The following PLXNC1 variants were observed in gnomAD, a reference collection of about 807,000 sequenced individuals.
PLXNC1 encodes the protein plexin C1.
A neutral mutation model predicts 178.2 loss-of-function variants in PLXNC1; 75 were observed. The observed-to-expected ratio is 0.42, with a 90% CI of 0.35 to 0.51. The LOEUF is 0.51. Among genes scored for constraint, PLXNC1 ranks in the 20% least tolerant of loss-of-function variants. PLXNC1 has a pLI of 0.02. For synonymous variants in PLXNC1, 790 were observed against 779.9 expected (o/e 1.01, Z -0.22); for missense variants, 1,503 against 1,984.4 (o/e 0.76, Z 4.61).
chr12:94,245,567 G>A (rs1051653867), intron 12 of PLXNC1, among the ~76,000 whole-genome samples: 1 of 152,112 alleles, frequency 6.6e-6, no homozygotes, highest in African/African-American at 2.4e-5. Flanking sequence ...TCAGGTTCTA[G>A]GTCCTCTGGT....
chr12:94,210,097 AT>A (rs5800151), intron 5 of PLXNC1, among the ~76,000 whole-genome samples: 53,296 of 152,136 alleles, frequency 0.35, 11,266 homozygotes, highest in East Asian at 0.57. Context: ...TAATTGCAGA[AT>A]TTTGTTTAGT....
chr12:94,218,524 A>C (rs940325183), intron 5 of PLXNC1, among the ~76,000 whole-genome samples: 1 of 152,150 alleles, frequency 6.6e-6, no homozygotes, highest in African/African-American at 2.4e-5. Context: ...CTTAGCGCTC[A>C]TTCCCATCAG....
intron 9 of PLXNC1, among the ~76,000 whole-genome samples, chr12:94,237,056 CAAG>C (rs1189890430): frequency 6.6e-6 from 1 of 152,144 alleles, no homozygotes; most frequent in Non-Finnish European, 1.5e-5. Flanking sequence ...AACTGGGTAG[CAAG>C]AAGGAGGTTG....
In PLXNC1 at chr12:94,240,528, T is replaced by C. The variant is rs780993862; in HGVS notation, c.2164T>C (p.Ser722Pro). The change falls in exon 11 of 31, where the codon TCT (serine) becomes CCT (proline). Residue 722 changes from serine (S) to proline (P), a missense_variant. Coordinates refer to ENST00000258526, the MANE Select transcript of PLXNC1 (RefSeq NM_005761.3). Reference sequence around the variant, plus strand: ...GCTAAATGACACCCACATGAAATTCTCTCTTCCATCAAGCCGGAAAGAAAT... The same window carrying C: ...GCTAAATGACACCCACATGAAATTCCCTCTTCCATCAAGCCGGAAAGAAAT... ...HVLNDTHMKFSLPSSRKEMKD... is the reference protein window; with the variant it reads ...HVLNDTHMKFPLPSSRKEMKD... The C allele has an allele frequency of 6.2e-7, 1 of 1,614,102 alleles. No individual in the cohort carries two copies. Among genetic ancestry groups the C allele is most frequent in the Non-Finnish European group, 8.5e-7 (1 of 1,179,970 alleles).
Position 94,300,899 on chromosome 12 carries a change from T to C in PLXNC1, c.4239-11T>C. ...CCCTATTTGAAAAGAGATTATTCTC[T>C]CTTTGAACAGCCTTCCTCTTCGCTT... On this transcript the variant is annotated splice_polypyrimidine_tract_variant and intron_variant, in intron 27 of 30. Coordinates refer to ENST00000258526, the MANE Select transcript of PLXNC1 (RefSeq NM_005761.3). 3 of 1,608,502 alleles carry C rather than the reference T, an allele frequency of 1.9e-6. No individual in the cohort carries two copies. The highest frequency in any genetic ancestry group is 2.6e-6 in the Non-Finnish European group (3 of 1,175,862).
intron 5 of PLXNC1, among the ~76,000 whole-genome samples, chr12:94,210,092 G>A (rs1963423085): frequency 1.6e-5 from 2 of 128,818 alleles, no homozygotes; most frequent in African/African-American, 4.9e-5. Flanking sequence ...TGGCTTAATT[G>A]CAGAATTTTG....
chr12:94,202,754 G>T (rs1048414053), intron 4 of PLXNC1, among the ~76,000 whole-genome samples: 5 of 152,200 alleles, frequency 3.3e-5, no homozygotes, highest in African/African-American at 1.2e-4. Flanking sequence ...AGGGATGGGT[G>T]TTTTTAGGAG....
intron 23 of PLXNC1, among the ~76,000 whole-genome samples, chr12:94,290,869 G>GGTCA (rs1178936811): frequency 6.6e-6 from 1 of 152,202 alleles, no homozygotes; most frequent in Non-Finnish European, 1.5e-5. Context: ...GAAGTGACAG[G>GGTCA]GTCAGTCCTC....
chr12:94,260,920 G>A lies in PLXNC1; in HGVS notation c.3450+80G>A. ...TAGCGGACTCTGATGCCTTTGCCAG[G>A]ATAAATCCTGAATGCTCGATGGTGT... On this transcript the variant is annotated intron_variant, in intron 20 of 30. Transcript: ENST00000258526. The surrounding 1 kb of genome is among the most constrained non-coding windows in gnomAD (Gnocchi z 4.4). The A allele has an allele frequency of 8.4e-7, 1 of 1,197,408 alleles. No individual in the cohort carries two copies. The allele number at this position is 1,197,408 out of a possible 1,614,324, so 74.2% of individuals were successfully genotyped here.
intron 23 of PLXNC1, among the ~76,000 whole-genome samples, chr12:94,288,152 T>C (rs1425562408): frequency 6.6e-6 from 1 of 152,258 alleles, no homozygotes; most frequent in Non-Finnish European, 1.5e-5. Context: ...ATCCTGGTAG[T>C]TACATTCTCT....
chr12:94,214,843 A>G (rs1442332400), intron 5 of PLXNC1, among the ~76,000 whole-genome samples: 1 of 152,208 alleles, frequency 6.6e-6, no homozygotes, highest in Non-Finnish European at 1.5e-5. Context: ...TGAACAACTT[A>G]GCTTAAGCCG....
At chr12:94,287,829 G>A (rs1193885964) in intron 23 of PLXNC1, among the ~76,000 whole-genome samples, 1 of 152,316 alleles carries the variant, frequency 6.6e-6, no homozygotes, top group South Asian at 2.1e-4. Flanking sequence ...TAACAAACAC[G>A]TATAATGCTT....
intron 23 of PLXNC1, among the ~76,000 whole-genome samples, chr12:94,286,244 T>C (rs953055367): frequency 2.6e-5 from 4 of 152,282 alleles, no homozygotes; most frequent in Admixed American, 6.5e-5. Flanking sequence ...TAAAGGATTC[T>C]CCTTATGTTT....
intron 11 of PLXNC1, among the ~76,000 whole-genome samples, chr12:94,242,888 C>G (rs941249225): frequency 1.3e-5 from 2 of 152,214 alleles, no homozygotes; most frequent in African/African-American, 4.8e-5. Context: ...TCCCAGACAG[C>G]TGGTACTAGG....
intron 6 of PLXNC1, among the ~76,000 whole-genome samples, chr12:94,223,717 CAGATTTGGTGACAGTTG>C (rs1963857857): frequency 1.3e-5 from 2 of 152,292 alleles, no homozygotes; most frequent in South Asian, 4.1e-4. Context: ...ACCTTTATCA[CAGATTTGGTGACAGTTG>C]ACCCCAAGAA....
At chr12:94,220,875 A>G (rs915162775) in intron 6 of PLXNC1, among the ~76,000 whole-genome samples, 1 of 152,224 alleles carries the variant, frequency 6.6e-6, no homozygotes, top group African/African-American at 2.4e-5. Flanking sequence ...ACCAACCTGC[A>G]TGATGGCCAG....
intron 12 of PLXNC1, among the ~76,000 whole-genome samples, chr12:94,245,652 C>T (rs1433286357): frequency 6.6e-6 from 1 of 152,110 alleles, no homozygotes; most frequent in Non-Finnish European, 1.5e-5. Flanking sequence ...ATTAAACATG[C>T]ATGGGATTAA....
At chr12:94,231,096 G>A (rs1964085558) in intron 9 of PLXNC1, among the ~76,000 whole-genome samples, 1 of 152,082 alleles carries the variant, frequency 6.6e-6, no homozygotes, top group African/African-American at 2.4e-5. Flanking sequence ...TGTGCCCGGG[G>A]CTTTGTCTTA....
chr12:94,224,209 T>A lies in PLXNC1; in HGVS notation c.1703-19T>A, dbSNP rs1963877287. ...AGCAGGACTCCACCGTAAATGACAT[T>A]TTCCCCCCTTCCCTCCAGATGTTTC... On this transcript the variant is annotated intron_variant, in intron 6 of 30. Coordinates refer to ENST00000258526, the MANE Select transcript of PLXNC1 (RefSeq NM_005761.3). 1 of 1,460,424 alleles carries A rather than the reference T, an allele frequency of 6.8e-7. No individual in the cohort carries two copies. The highest frequency in any genetic ancestry group is 1.7e-5 in the Admixed American group (1 of 59,816). 90.5% of individuals were successfully genotyped at this position (1,460,424 alleles called of 1,614,324 possible). A position where few individuals can be genotyped will look rare whatever the true frequency, so the allele number is the denominator to read the frequency against.
Sources: allele counts gnomAD v4.1 joint callset (sites outside exome capture counted in the v4.1 genomes callset), GRCh38; gene constraint gnomAD v4.1.1; non-coding constraint Gnocchi (gnomAD v3.1); transcripts MANE v1.5; gene names NCBI Gene and HGNC (gene_info 2026-07-23, HGNC 2026-07-21).